Variants in MTIF2 observed in about 807,000 individuals in gnomAD.
The protein encoded by MTIF2 is translation initiation factor IF-2, mitochondrial.
A neutral mutation model predicts 83.5 loss-of-function variants in MTIF2; 71 were observed. That is an observed-to-expected ratio of 0.85 (90% CI 0.70 to 1.04). The LOEUF is 1.04. Ranked by LOEUF, MTIF2 falls within the 50% of genes least tolerant of loss-of-function variation. The pLI, the probability that MTIF2 is intolerant of heterozygous loss-of-function variation, is 0.00. For missense variants in MTIF2, 957 were observed against 846.5 expected, an observed-to-expected ratio of 1.13 and a Z score of -1.62; for synonymous variants, 319 against 287.1, an observed-to-expected ratio of 1.11 and a Z score of -1.12.
chr2:55,262,545 T>TTC, intron 4 of MTIF2, 118 bp from the exon 5 acceptor site: 3 of 562,476 alleles, frequency 5.3e-6, no homozygotes, highest in South Asian at 4.8e-5. Context: ...TTTTTTCTTT[T>TTC]TTTTTTTTTT....
At chr2:55,263,124 G>A (rs1678164451) in intron 4 of MTIF2, among the ~76,000 whole-genome samples, 1 of 152,140 alleles carries the variant, frequency 6.6e-6, no homozygotes, top group African/African-American at 2.4e-5. Context: ...GCCTCCCAAA[G>A]TGCTGGGATT....
rs372907990 is a variant in MTIF2 at position 55,250,401 on chromosome 2, C to T, written c.842-867G>A. Among the ~76,000 whole-genome samples the T allele has an allele frequency of 1.1e-4, 17 of 148,498 alleles. No individual in the cohort carries two copies. The East Asian group carries it at 2.0e-3, about 17-fold the overall frequency. On this transcript the variant is annotated intron_variant, in intron 8 of 15. Coordinates refer to ENST00000263629, the MANE Select transcript of MTIF2 (RefSeq NM_002453.3). ...AACCTAAAAGCAAGATCAGTAAGTACACTGGAGATAATCTCCAAAAAAAAA... is the reference window on the plus strand; with the variant it reads ...AACCTAAAAGCAAGATCAGTAAGTATACTGGAGATAATCTCCAAAAAAAAA...
chr2:55,240,062 G>C lies in MTIF2; in HGVS notation c.1819C>G (p.Gln607Glu), dbSNP rs1676188480. Residue 607 changes from glutamine to glutamate, a missense_variant, in exon 14 of 16, where the codon CAA (glutamine) becomes GAA (glutamate). Coordinates refer to ENST00000263629, the MANE Select transcript of MTIF2 (RefSeq NM_002453.3). ...GGTAATCTGCTGCTCAGTTCCTCTT[G>C]CAAATCTTCAACAAGACGGTAAATT... Reference protein sequence around the residue: ...KIIYRLVEDLQEELSSRLPCA... With the variant: ...KIIYRLVEDLEEELSSRLPCA... 6.2e-7 allele frequency: 1 copy of C among 1,613,338 alleles called. No homozygotes were observed. Among genetic ancestry groups the C allele is most frequent in the African/African-American group, 1.3e-5 (1 of 74,892 alleles).
At chr2:55,257,648 T>C (rs1446817149) in intron 5 of MTIF2, among the ~76,000 whole-genome samples, 2 of 152,178 alleles carry the variant, frequency 1.3e-5, no homozygotes, top group Non-Finnish European at 2.9e-5. Context: ...CCCACCATGG[T>C]TGATTACAAG....
At chr2:55,245,723 G>T (rs1474475920) in intron 10 of MTIF2, among the ~76,000 whole-genome samples, 3 of 148,834 alleles carry the variant, frequency 2.0e-5, no homozygotes, top group African/African-American at 7.4e-5. Context: ...CATAATAAAT[G>T]GGATGTTAGG....
In MTIF2 at chr2:55,262,387, G is replaced by T. The variant is rs1357306980; in HGVS notation, c.260C>A (p.Ser87Tyr). ...AATCCATACTTCTACCACCTTTTTA[G>T]ATTTTGTTGAAGATAACTGAGATTT... ...PWKSQLSSTKSKKVVEVWIGM... is the reference protein window; with the variant it reads ...PWKSQLSSTKYKKVVEVWIGM... Residue 87 changes from serine to tyrosine, a missense_variant, in exon 5 of 16, where the codon TCT becomes TAT. Coordinates refer to ENST00000263629, the MANE Select transcript of MTIF2 (RefSeq NM_002453.3). 2 of 1,612,752 alleles carry T rather than the reference G, an allele frequency of 1.2e-6. No individual in the cohort carries two copies. The highest frequency in any genetic ancestry group is 2.7e-5 in the African/African-American group (2 of 74,632).
intron 5 of MTIF2, among the ~76,000 whole-genome samples, chr2:55,261,415 G>A (rs1172059375): frequency 6.6e-6 from 1 of 151,656 alleles, no homozygotes; most frequent in Non-Finnish European, 1.5e-5. Context: ...AGACAAGCCT[G>A]GCCAACATGG....
intron 8 of MTIF2, among the ~76,000 whole-genome samples, chr2:55,249,960 G>A (rs1202464156): frequency 6.6e-6 from 1 of 152,068 alleles, no homozygotes; most frequent in Admixed American, 6.6e-5. Flanking sequence ...GGGCGTGGTG[G>A]CATGCACCTG....
At chr2:55,256,825 G>A (rs1382897166) in intron 5 of MTIF2, among the ~76,000 whole-genome samples, 2 of 151,838 alleles carry the variant, frequency 1.3e-5, no homozygotes, top group Admixed American at 6.6e-5. Context: ...CTCCTGCCTC[G>A]GCCTCCGTTA....
rs974705187 is a variant in MTIF2, at chr2:55,251,693, G to T, written c.841+784C>A. Among the ~76,000 whole-genome samples the T allele has an allele frequency of 1.1e-4, 17 of 152,182 alleles. 1 individual carries two copies. The highest frequency in any genetic ancestry group is 7.9e-4 in the Admixed American group (12 of 15,284). ...GGCTGGAGTGCAATGGCACAATCTCGGCTCACCACTACCTCCACCTCCCGG... is the reference window on the plus strand; with the variant it reads ...GGCTGGAGTGCAATGGCACAATCTCTGCTCACCACTACCTCCACCTCCCGG... On this transcript the variant is annotated intron_variant, in intron 8 of 15. Transcript: ENST00000263629.
chr2:55,255,129 G>A (rs1456390648), intron 5 of MTIF2, among the ~76,000 whole-genome samples: 2 of 151,382 alleles, frequency 1.3e-5, no homozygotes, highest in Non-Finnish European at 2.9e-5. Flanking sequence ...ATTGATTGTA[G>A]TCTATTTCTC....
At chr2:55,247,995 G>A (rs1166536015) in intron 9 of MTIF2, among the ~76,000 whole-genome samples, 1 of 152,006 alleles carries the variant, frequency 6.6e-6, no homozygotes, top group East Asian at 1.9e-4. Context: ...GGCTCAAGTG[G>A]TCCTCCAGTC....
intron 6 of MTIF2, 124 bp from the exon 7 acceptor site, chr2:55,254,325 T>TA: frequency 9.1e-7 from 1 of 1,101,296 alleles, no homozygotes; most frequent in Non-Finnish European, 1.3e-6. Context: ...CAGTGTGGAT[T>TA]AGACCTATTT....
chr2:55,268,654 A>G lies in MTIF2; in HGVS notation c.-151T>C, dbSNP rs1678610113. On this transcript the variant is annotated 5_prime_UTR_variant, in exon 2 of 16. Transcript: ENST00000263629. ...AAAGCTTCTCCAATGTCATACCGCT[A>G]GTTAATGGCAGTCAAGACTAGAACC... 1.3e-5 allele frequency: 2 copies of G among 152,290 alleles called. No individual in the cohort carries two copies. The highest frequency in any genetic ancestry group is 6.5e-5 in the Admixed American group (1 of 15,282). The allele number at this position is 152,290 out of a possible 1,614,324, so 9.4% of individuals were successfully genotyped here.
At chr2:55,260,884 T>C (rs2104448592) in intron 5 of MTIF2, among the ~76,000 whole-genome samples, 1 of 152,200 alleles carries the variant, frequency 6.6e-6, no homozygotes, top group South Asian at 2.1e-4. Context: ...AAATCCTAAA[T>C]TGGTAATAAG....
At chr2:55,255,775 C>T (rs57529275) in intron 5 of MTIF2, among the ~76,000 whole-genome samples, 11,917 of 152,058 alleles carry the variant, frequency 0.078, 675 homozygotes, top group East Asian at 0.26. Flanking sequence ...ACAGTGTCAC[C>T]TCATTCAACC....
intron 7 of MTIF2, 132 bp downstream of exon 7, chr2:55,253,909 T>C: frequency 1.0e-6 from 1 of 954,356 alleles, no homozygotes; most frequent in Non-Finnish European, 1.5e-6. Flanking sequence ...TTGCTCTACA[T>C]TTCATCAAAC....
At chr2:55,247,103 G>T (rs1249192085) in intron 9 of MTIF2, among the ~76,000 whole-genome samples, 2 of 152,132 alleles carry the variant, frequency 1.3e-5, no homozygotes, top group African/African-American at 4.8e-5. Context: ...GCTGGAGTGG[G>T]TGATTCTTTT....
At chr2:55,239,933 C>A (rs1195618587) in intron 14 of MTIF2, 78 bp downstream of exon 14, 1 of 1,287,584 alleles carries the variant, frequency 7.8e-7, no homozygotes, top group Non-Finnish European at 1.1e-6. Flanking sequence ...AAAACGTTTC[C>A]TCTAAGCTTT....
Sources: gnomAD v4.1 joint callset for allele counts (sites outside exome capture counted in the v4.1 genomes callset) on GRCh38, gnomAD v4.1.1 for gene constraint, MANE v1.5 for transcripts, NCBI Gene and HGNC (gene_info 2026-07-23, HGNC 2026-07-21) for gene names.